Variants in ADGRA3 observed in about 807,000 individuals in gnomAD.
The protein encoded by ADGRA3 is G-protein coupled receptor 125.
In ADGRA3, 56 loss-of-function variants were observed where a neutral mutation model predicts 119.8. The observed-to-expected ratio is 0.47, with a 90% CI of 0.38 to 0.58. The LOEUF (loss-of-function observed/expected upper bound fraction) is 0.58, where lower values mean the gene tolerates loss of function less well. ADGRA3 is among the 20% of genes least tolerant of loss of function. The pLI is 0.00. For missense variants in ADGRA3, 1,516 were observed against 1,649.0 expected, an observed-to-expected ratio of 0.92 and a Z score of 1.40; for synonymous variants, 607 against 623.8, an observed-to-expected ratio of 0.97 and a Z score of 0.40.
At chr4:22,437,936 T>G (rs192565757) in intron 8 of ADGRA3, among the ~76,000 whole-genome samples, 3 of 152,324 alleles carry the variant, frequency 2.0e-5, no homozygotes, top group African/African-American at 7.2e-5. Flanking sequence ...ATACCTTACT[T>G]AACCTGTTTG....
At chr4:22,478,299 GAGC>G (rs1444733078) in intron 1 of ADGRA3, 1 of 152,154 alleles carries the variant, frequency 6.6e-6, no homozygotes, top group Non-Finnish European at 1.5e-5. Flanking sequence ...AAAGTTTATG[GAGC>G]AGAAGAAATA....
At chr4:22,453,210 AAAAAAAAG>A (rs1344498509) in intron 4 of ADGRA3, among the ~76,000 whole-genome samples, 1 of 72,974 alleles carries the variant, frequency 1.4e-5, no homozygotes, top group African/African-American at 3.1e-5. Flanking sequence ...CAAAAAAAAA[AAAAAAAAG>A]AAAGAAAAAG....
chr4:22,420,722 G>A (rs918300563), intron 12 of ADGRA3, 164 bp downstream of exon 12: 1 of 665,316 alleles, frequency 1.5e-6, no homozygotes. Flanking sequence ...AAGTCGTAAT[G>A]CAGTTCTTCC....
Position 22,388,544 on chromosome 4 carries a change from C to T in ADGRA3, c.3127G>A (p.Val1043Met), listed in dbSNP as rs9002. ...TCCCTATTAACACAATGGTGGACCA[C>T]GAAGAACGCACTGAAGCTTAAACTT... is the stretch of plus-strand genomic sequence containing the variant. ...ATSLSFSAFFVVHHCVNREDV... is the reference protein window; with the variant it reads ...ATSLSFSAFFMVHHCVNREDV... Residue 1043 changes from valine to methionine, a missense_variant, in exon 19 of 19, where the codon GTG (valine) becomes ATG (methionine). By Grantham distance (21) the Val-to-Met change is conservative. Transcript: ENST00000334304. 346,312 of 1,613,622 alleles carry T rather than the reference C, an allele frequency of 0.21. 39,024 individuals are homozygous for T. Among genetic ancestry groups the T allele is most frequent in the South Asian group, 0.35 (31,479 of 91,058 alleles).
chr4:22,469,223 C>A (rs1465820746), intron 2 of ADGRA3, among the ~76,000 whole-genome samples: 2 of 152,152 alleles, frequency 1.3e-5, no homozygotes, highest in African/African-American at 4.8e-5. Context: ...CCACAGAGAG[C>A]CCCCTCCTAA....
At chr4:22,508,141 T>A (rs1459049900) in intron 1 of ADGRA3, among the ~76,000 whole-genome samples, 1 of 152,198 alleles carries the variant, frequency 6.6e-6, no homozygotes, top group Non-Finnish European at 1.5e-5. Context: ...ATATGCATTC[T>A]GAGAGAAGCA....
At chr4:22,501,522 G>T (rs762714335) in intron 1 of ADGRA3, among the ~76,000 whole-genome samples, 1 of 151,942 alleles carries the variant, frequency 6.6e-6, no homozygotes, top group Non-Finnish European at 1.5e-5. Context: ...ACCTGAATGA[G>T]TCATGTTATA....
At chr4:22,451,955 TATC>T (rs2109087570) in intron 4 of ADGRA3, among the ~76,000 whole-genome samples, 1 of 152,334 alleles carries the variant, frequency 6.6e-6, no homozygotes, top group African/African-American at 2.4e-5. Flanking sequence ...TATGAGCTGT[TATC>T]ATCCTTCACA....
chr4:22,405,926 G>A (rs1714901034), intron 14 of ADGRA3, among the ~76,000 whole-genome samples: 1 of 152,022 alleles, frequency 6.6e-6, no homozygotes, highest in African/African-American at 2.4e-5. Context: ...ATCTGTACTT[G>A]GTTGTACTCA....
chr4:22,490,115 A>G (rs760236854), intron 1 of ADGRA3, among the ~76,000 whole-genome samples: 13 of 152,366 alleles, frequency 8.5e-5, no homozygotes, highest in Non-Finnish European at 1.3e-4. Flanking sequence ...TGTCATAAAT[A>G]AAAAGGAAAT....
intron 12 of ADGRA3, among the ~76,000 whole-genome samples, chr4:22,415,735 C>A (rs993419993): frequency 6.6e-6 from 1 of 151,874 alleles, no homozygotes; most frequent in African/African-American, 2.4e-5. Flanking sequence ...TAAAACAAAT[C>A]ATTTACATTT....
intron 1 of ADGRA3, among the ~76,000 whole-genome samples, chr4:22,513,425 G>C (rs1413521468): frequency 1.3e-5 from 2 of 151,700 alleles, no homozygotes; most frequent in Non-Finnish European, 2.9e-5. Context: ...CAAAGTACTA[G>C]GATTACAGGC....
chr4:22,439,416 T>C (rs905423139), intron 7 of ADGRA3, among the ~76,000 whole-genome samples: 1 of 152,300 alleles, frequency 6.6e-6, no homozygotes, highest in African/African-American at 2.4e-5. Context: ...TTAACCTTTA[T>C]TTCCCCCACA....
At chr4:22,444,312 T>G (rs1716745777) in intron 6 of ADGRA3, among the ~76,000 whole-genome samples, 1 of 151,692 alleles carries the variant, frequency 6.6e-6, no homozygotes. Flanking sequence ...TGAGATGGAG[T>G]TTCACTTTTG....
intron 1 of ADGRA3, among the ~76,000 whole-genome samples, chr4:22,487,766 T>C (rs1718482164): frequency 6.6e-6 from 1 of 152,194 alleles, no homozygotes; most frequent in South Asian, 2.1e-4. Context: ...AATAAAACCA[T>C]TCTAAATTGA....
chr4:22,450,261 A>G (rs886335729), intron 4 of ADGRA3, among the ~76,000 whole-genome samples: 1 of 148,864 alleles, frequency 6.7e-6, no homozygotes, highest in African/African-American at 2.5e-5. Flanking sequence ...CCCATCCTTT[A>G]TGCTTCTTTT....
intron 17 of ADGRA3, 34 bp from the exon 18 acceptor site, chr4:22,389,217 C>A (rs1174072246): frequency 1.5e-6 from 2 of 1,369,222 alleles, no homozygotes; most frequent in African/African-American, 2.9e-5. Flanking sequence ...AACCACTCAT[C>A]ATTCCATTTC....
chr4:22,493,276 C>T (rs1204167056), intron 1 of ADGRA3, among the ~76,000 whole-genome samples: 1 of 152,106 alleles, frequency 6.6e-6, no homozygotes, highest in Non-Finnish European at 1.5e-5. Flanking sequence ...TCCACCTTTC[C>T]ATTTCGGTAT....
intron 10 of ADGRA3, among the ~76,000 whole-genome samples, chr4:22,434,587 T>C (rs1225884536): frequency 6.6e-6 from 1 of 152,220 alleles, no homozygotes; most frequent in Non-Finnish European, 1.5e-5. Flanking sequence ...TAAGTGATTA[T>C]ATCACAAAAG....
Sources: allele counts gnomAD v4.1 joint callset (sites outside exome capture counted in the v4.1 genomes callset), GRCh38; gene constraint gnomAD v4.1.1; transcripts MANE v1.5; gene names NCBI Gene and HGNC (gene_info 2026-07-23, HGNC 2026-07-21).